FAM117B: variants seen among roughly 807,000 people sequenced by gnomAD.
FAM117B encodes family with sequence similarity 117 member B, also known as protein FAM117B.
In FAM117B, 22 loss-of-function variants were observed where a neutral mutation model predicts 52.8. The ratio of observed to expected loss-of-function variants is 0.42; its 90% CI spans 0.30 to 0.59. The LOEUF (loss-of-function observed/expected upper bound fraction) is 0.59, where lower values mean the gene tolerates loss of function less well. Ranked by LOEUF, FAM117B falls within the 20% of genes least tolerant of loss-of-function variation. The pLI, the probability that FAM117B is intolerant of heterozygous loss-of-function variation, is 0.22. For synonymous variants in FAM117B, 309 were observed against 324.1 expected (o/e 0.95, Z 0.50); for missense variants, 678 against 802.6 (o/e 0.84, Z 1.88).
At chr2:202,672,083 A>G (rs1364291691) in intron 1 of FAM117B, among the ~76,000 whole-genome samples, 2 of 152,222 alleles carry the variant, frequency 1.3e-5, no homozygotes, top group Non-Finnish European at 2.9e-5. Flanking sequence ...TGGGAATTGT[A>G]AGAAATTGAC....
intron 4 of FAM117B, among the ~76,000 whole-genome samples, chr2:202,749,319 C>G (rs950496610): frequency 5.9e-5 from 9 of 151,972 alleles, no homozygotes; most frequent in Non-Finnish European, 1.2e-4. Context: ...AAATTGAAAA[C>G]TATTTGTTTA....
chr2:202,640,753 G>T (rs1008438269), intron 1 of FAM117B, among the ~76,000 whole-genome samples: 1 of 151,942 alleles, frequency 6.6e-6, no homozygotes, highest in East Asian at 1.9e-4. Flanking sequence ...GGGACTACAG[G>T]TACATGCCAC....
At chr2:202,750,405 C>T (rs191811222) in intron 4 of FAM117B, among the ~76,000 whole-genome samples, 11 of 152,050 alleles carry the variant, frequency 7.2e-5, no homozygotes, top group Non-Finnish European at 1.5e-4. Flanking sequence ...CCCAGCTACT[C>T]GGGAGGCTGA....
chr2:202,654,058 T>TGAGAGA (rs1228924079), intron 1 of FAM117B, among the ~76,000 whole-genome samples: 3 of 113,446 alleles, frequency 2.6e-5, no homozygotes, highest in African/African-American at 1.2e-4. Context: ...GGGAAGAGAG[T>TGAGAGA]GAGTGAGAGA....
intron 1 of FAM117B, among the ~76,000 whole-genome samples, chr2:202,672,737 A>G (rs938763082): frequency 3.3e-5 from 5 of 152,172 alleles, no homozygotes. Context: ...TTGAAAGTAT[A>G]AGATCGGAGG....
At chr2:202,649,870 G>C (rs1689931728) in intron 1 of FAM117B, among the ~76,000 whole-genome samples, 1 of 151,600 alleles carries the variant, frequency 6.6e-6, no homozygotes, top group Non-Finnish European at 1.5e-5. Flanking sequence ...TTGTTTGTTT[G>C]TTTGTTTATT....
chr2:202,660,077 T>A (rs1690107244), intron 1 of FAM117B, among the ~76,000 whole-genome samples: 2 of 152,168 alleles, frequency 1.3e-5, no homozygotes, highest in Admixed American at 6.5e-5. Flanking sequence ...ATCTAAAATT[T>A]TCATTTAGTT....
chr2:202,640,440 G>C, intron 1 of FAM117B, among the ~76,000 whole-genome samples: 1 of 149,438 alleles, frequency 6.7e-6, no homozygotes, highest in East Asian at 2.0e-4. Context: ...GCCAAGGGCA[G>C]CAAAAAGTGA....
intron 2 of FAM117B, among the ~76,000 whole-genome samples, chr2:202,701,106 T>C (rs554416909): frequency 1.3e-5 from 2 of 152,318 alleles, no homozygotes; most frequent in African/African-American, 4.8e-5. Flanking sequence ...CCAACTCTCT[T>C]GTTAGGGGCA....
At chr2:202,699,449 G>GAAAAAAAAAAAAAAAAAAAAAA (rs59522030) in intron 2 of FAM117B, among the ~76,000 whole-genome samples, 2 of 100,032 alleles carry the variant, frequency 2.0e-5, no homozygotes, top group Non-Finnish European at 3.8e-5. Context: ...AAAAAAAAAA[G>GAAAAAAAAAAAAAAAAAAAAAA]AAAAAAAAAA....
intron 4 of FAM117B, among the ~76,000 whole-genome samples, chr2:202,739,292 A>G (rs2105792441): frequency 6.6e-6 from 1 of 152,256 alleles, no homozygotes; most frequent in African/African-American, 2.4e-5. Flanking sequence ...CCAAAGCATC[A>G]TTTTTAATGG....
At position 202,683,871 on chromosome 2, in the gene FAM117B, AT is replaced by A. The variant is rs879783732; in HGVS notation, c.602-11998del. ...GAAAACTACAGAACACAAAATTTTAATTTTTTTTTTTTGGAGACAGGGTCTT... is the reference window on the plus strand; with the variant it reads ...GAAAACTACAGAACACAAAATTTTAATTTTTTTTTTTGGAGACAGGGTCTT... On this transcript the variant is annotated intron_variant, in intron 1 of 7. Transcript: ENST00000392238. 5.1e-3 allele frequency among the ~76,000 whole-genome samples: 746 copies of A among 146,884 alleles called. 7 individuals are homozygous for A. The highest frequency in any genetic ancestry group is 0.017 in the African/African-American group (681 of 40,474).
At chr2:202,701,021 C>T (rs543459543) in intron 2 of FAM117B, among the ~76,000 whole-genome samples, 45 of 152,088 alleles carry the variant, frequency 3.0e-4, no homozygotes, top group Non-Finnish European at 5.4e-4. Context: ...GACAAAACAG[C>T]CTTATCTTGT....
chr2:202,726,417 G>T (rs1691246466), intron 4 of FAM117B, 54 bp downstream of exon 4: 1 of 1,343,584 alleles, frequency 7.4e-7, no homozygotes, highest in South Asian at 1.3e-5. Context: ...TTTTTCTGGT[G>T]ATTTGTTATT....
chr2:202,663,244 G>A (rs959367628), intron 1 of FAM117B, among the ~76,000 whole-genome samples: 2 of 152,194 alleles, frequency 1.3e-5, no homozygotes, highest in African/African-American at 4.8e-5. Flanking sequence ...TTTGGTACTA[G>A]GTTGAGTTCC....
intron 5 of FAM117B, 40 bp downstream of exon 5, chr2:202,755,721 A>G (rs1478880358): frequency 6.4e-7 from 1 of 1,557,940 alleles, no homozygotes; most frequent in Non-Finnish European, 8.7e-7. Flanking sequence ...TTGAACTCTT[A>G]TAATTATTAA....
chr2:202,698,335 C>A (rs1219821370), intron 2 of FAM117B, among the ~76,000 whole-genome samples: 1 of 152,278 alleles, frequency 6.6e-6, no homozygotes, highest in African/African-American at 2.4e-5. Context: ...ATTTGGATTA[C>A]CTTGGTGTTT....
In FAM117B at chr2:202,737,158, C is replaced by T. The variant is rs148192633; in HGVS notation, c.960+10795C>T. 9.1e-3 allele frequency among the ~76,000 whole-genome samples: 1,384 copies of T among 151,668 alleles called. 19 individuals carry two copies. The highest frequency in any genetic ancestry group is 0.01 in the Non-Finnish European group (683 of 67,942). ...ACTTTTAAGGTATACCTAAGTCATACGTGGACTGAATTAAAAAAAAAAAAT... is the reference window on the plus strand; with the variant it reads ...ACTTTTAAGGTATACCTAAGTCATATGTGGACTGAATTAAAAAAAAAAAAT... On this transcript the variant is annotated intron_variant, in intron 4 of 7. Coordinates refer to ENST00000392238, the MANE Select transcript of FAM117B (RefSeq NM_173511.4).
At chr2:202,745,765 C>T (rs777752930) in intron 4 of FAM117B, among the ~76,000 whole-genome samples, 13 of 151,996 alleles carry the variant, frequency 8.6e-5, no homozygotes, top group South Asian at 2.1e-4. Context: ...GGCTATTCCA[C>T]GCAAATGGAA....
Sources: allele counts gnomAD v4.1 joint callset (sites outside exome capture counted in the v4.1 genomes callset), GRCh38; gene constraint gnomAD v4.1.1; transcripts MANE v1.5; gene names NCBI Gene and HGNC (gene_info 2026-07-23, HGNC 2026-07-21).